LRRC2: variants seen among roughly 807,000 people sequenced by gnomAD.
LRRC2 encodes the protein leucine rich repeat containing 2, also known as leucine-rich repeat-containing protein 2.
In LRRC2, 27 loss-of-function variants were observed where a neutral mutation model predicts 40.2. That is an observed-to-expected ratio of 0.67 (90% CI 0.49 to 0.93). LRRC2 has a LOEUF of 0.93. Among genes scored for constraint, LRRC2 ranks in the 40% least tolerant of loss-of-function variants. The probability of loss-of-function intolerance (pLI) is 0.00; values close to 1 mark genes in which losing one functional copy is unlikely to be tolerated. For missense variants in LRRC2, 402 were observed against 439.6 expected (o/e 0.91, Z 0.76); for synonymous variants, 147 against 158.9 (o/e 0.92, Z 0.56).
chr3:46,526,197 G>T (rs1704058626), intron 7 of LRRC2, among the ~76,000 whole-genome samples: 1 of 152,084 alleles, frequency 6.6e-6, no homozygotes, highest in South Asian at 2.1e-4. Flanking sequence ...TTATTTCTAA[G>T]AATCAGTAAG....
rs970848463 is a variant in LRRC2 at position 46,518,734 on chromosome 3, A to C, written c.*280T>G. On this transcript the variant is annotated 3_prime_UTR_variant, in exon 9 of 9. Coordinates refer to ENST00000395905, the MANE Select transcript of LRRC2 (RefSeq NM_024512.5). ...GGTCTTTTAGTTATAATTCTTAAAA[A>C]TAAGACATTTTAAAACATATTAAAT... The C allele has an allele frequency of 2.9e-5, 9 of 315,384 alleles. No homozygotes were observed. In the Admixed American group the frequency reaches 2.9e-4, roughly 10 times the overall value. The allele number at this position is 315,384 out of a possible 1,614,324, so 19.5% of individuals were successfully genotyped here.
chr3:46,528,384 G>A (rs1006221590), intron 6 of LRRC2, among the ~76,000 whole-genome samples: 7 of 151,248 alleles, frequency 4.6e-5, no homozygotes, highest in African/African-American at 1.7e-4. Context: ...TCCTTCCTTG[G>A]CCTCCCAAAG....
At chr3:46,527,341 G>A in intron 7 of LRRC2, 85 bp downstream of exon 7, 1 of 1,408,644 alleles carries the variant, frequency 7.1e-7, no homozygotes, top group Non-Finnish European at 9.9e-7. Flanking sequence ...TCTAATCCGG[G>A]TCTTGAGACA....
intron 7 of LRRC2, among the ~76,000 whole-genome samples, chr3:46,522,928 T>C (rs928176134): frequency 6.6e-6 from 1 of 152,146 alleles, no homozygotes; most frequent in Non-Finnish European, 1.5e-5. Flanking sequence ...TCTTAAATAG[T>C]TTTTGGTTGC....
intron 5 of LRRC2, among the ~76,000 whole-genome samples, chr3:46,531,341 C>T (rs1312238384): frequency 6.6e-6 from 1 of 151,852 alleles, no homozygotes; most frequent in African/African-American, 2.4e-5. Flanking sequence ...AAATTTGAAT[C>T]TGTACACTTG....
intron 3 of LRRC2, 83 bp downstream of exon 3, chr3:46,544,963 C>A: frequency 7.8e-7 from 1 of 1,279,860 alleles, no homozygotes; most frequent in South Asian, 1.2e-5. Context: ...AAGGCAAAAG[C>A]ATTCATTCAT....
intron 3 of LRRC2, among the ~76,000 whole-genome samples, chr3:46,541,667 G>C: frequency 6.6e-6 from 1 of 152,096 alleles, no homozygotes; most frequent in East Asian, 1.9e-4. Flanking sequence ...CCAGAGACTC[G>C]GCAGTAGAAG....
intron 1 of LRRC2, among the ~76,000 whole-genome samples, chr3:46,561,451 G>A (rs1279257824): frequency 6.6e-6 from 1 of 152,136 alleles, no homozygotes; most frequent in African/African-American, 2.4e-5. Flanking sequence ...TACTAAGGAG[G>A]TTGATGTGAG....
chr3:46,548,136 G>A (rs1034532100), intron 2 of LRRC2, among the ~76,000 whole-genome samples: 8 of 151,954 alleles, frequency 5.3e-5, no homozygotes, highest in African/African-American at 1.9e-4. Context: ...AGATGATACC[G>A]GCTCATCCCT....
At chr3:46,564,553 G>A (rs1273141555) in intron 1 of LRRC2, among the ~76,000 whole-genome samples, 1 of 152,124 alleles carries the variant, frequency 6.6e-6, no homozygotes, top group Non-Finnish European at 1.5e-5. Flanking sequence ...GAGTTTGGGA[G>A]GAGACTCAAC....
intron 1 of LRRC2, chr3:46,558,992 G>A (rs1044194825): frequency 6.6e-6 from 1 of 152,192 alleles, no homozygotes; most frequent in Non-Finnish European, 1.5e-5. Context: ...GGAATGTTTT[G>A]AAATCTATTG....
intron 1 of LRRC2, among the ~76,000 whole-genome samples, chr3:46,556,966 GTATTGTTCCA>G (rs72065354): frequency 0.25 from 38,569 of 151,912 alleles, 5,900 homozygotes; most frequent in Non-Finnish European, 0.34. Flanking sequence ...AGACTTTTCA[GTATTGTTCCA>G]TAGATTCTTG....
rs1251414224 is a variant in LRRC2 at position 46,517,726 on chromosome 3, G to A, written c.*1288C>T. The A allele has an allele frequency of 5.3e-5, 8 of 152,208 alleles. No individual in the cohort carries two copies. Among genetic ancestry groups the A allele is most frequent in the Non-Finnish European group, 1.0e-4 (7 of 68,044 alleles). 9.4% of individuals were successfully genotyped at this position (152,208 alleles called of 1,614,324 possible). ...GCCCAAGACAGTGGTATAAAAATAA[G>A]AGATTGTGTCTAATTTCTCCAAATC... is the stretch of plus-strand genomic sequence containing the variant. On this transcript the variant is annotated 3_prime_UTR_variant, in exon 9 of 9. Transcript: ENST00000395905.
intron 1 of LRRC2, among the ~76,000 whole-genome samples, chr3:46,560,359 A>T (rs760545375): frequency 6.6e-6 from 1 of 152,196 alleles, no homozygotes; most frequent in Non-Finnish European, 1.5e-5. Context: ...TACAAAGCTA[A>T]TCTCTTCTTT....
Position 46,545,026 on chromosome 3 carries a change from C to T in LRRC2, c.333+20G>A, listed in dbSNP as rs373474263. 1.3e-5 allele frequency: 21 copies of T among 1,608,798 alleles called. No homozygotes were observed. Among genetic ancestry groups the T allele is most frequent in the East Asian group, 2.2e-5 (1 of 44,866 alleles). ...TCATCGACCACAGCACTGCATTGGG[C>T]GAGAACTGCCTCGACTCACCGTCCA... is the stretch of plus-strand genomic sequence containing the variant. On this transcript the variant is annotated intron_variant, in intron 3 of 8. Coordinates refer to ENST00000395905, the MANE Select transcript of LRRC2 (RefSeq NM_024512.5).
At chr3:46,543,203 T>C (rs938594228) in intron 3 of LRRC2, among the ~76,000 whole-genome samples, 4 of 152,068 alleles carry the variant, frequency 2.6e-5, no homozygotes, top group African/African-American at 9.7e-5. Context: ...GGATGGCGTA[T>C]GGGGACAAAG....
intron 1 of LRRC2, among the ~76,000 whole-genome samples, chr3:46,564,424 G>A (rs558744804): frequency 1.2e-4 from 18 of 151,430 alleles, no homozygotes; most frequent in South Asian, 4.1e-4. Flanking sequence ...CAGGGGGAGG[G>A]GGGGTTTTCC....
intron 1 of LRRC2, among the ~76,000 whole-genome samples, chr3:46,554,025 T>A (rs527807307): frequency 1.7e-4 from 25 of 150,580 alleles, no homozygotes; most frequent in Admixed American, 4.6e-4. Context: ...GTTTTTTTGT[T>A]GTTTTTTTTC....
intron 2 of LRRC2, among the ~76,000 whole-genome samples, chr3:46,548,019 C>G (rs756958752): frequency 6.6e-6 from 1 of 152,186 alleles, no homozygotes; most frequent in Non-Finnish European, 1.5e-5. Flanking sequence ...AACAGCACAG[C>G]CACTGCAAGT....
Sources: gnomAD v4.1 joint callset for allele counts (sites outside exome capture counted in the v4.1 genomes callset) on GRCh38, gnomAD v4.1.1 for gene constraint, MANE v1.5 for transcripts, NCBI Gene and HGNC (gene_info 2026-07-23, HGNC 2026-07-21) for gene names.